The following ARHGEF33 variants were observed in gnomAD, a reference collection of about 807,000 sequenced individuals.
The protein encoded by ARHGEF33 is DH and coiled-coil domain-containing protein ENSP00000381780.
In ARHGEF33, 72 loss-of-function variants were observed where a neutral mutation model predicts 101.9. The ratio of observed to expected loss-of-function variants is 0.71; its 90% CI spans 0.58 to 0.86. The LOEUF (loss-of-function observed/expected upper bound fraction) is 0.86. ARHGEF33 is among the 40% of genes least tolerant of loss of function. The pLI is 0.00. For synonymous variants in ARHGEF33, 499 were observed against 442.5 expected, an observed-to-expected ratio of 1.13 and a Z score of -1.60; for missense variants, 1,169 against 1,111.3, an observed-to-expected ratio of 1.05 and a Z score of -0.74.
intron 2 of ARHGEF33, among the ~76,000 whole-genome samples, chr2:38,912,717 T>G (rs1289134657): frequency 2.0e-5 from 3 of 152,168 alleles, no homozygotes; most frequent in African/African-American, 7.2e-5. Context: ...TGAAACTATT[T>G]GGAGAAAGCC....
In ARHGEF33 at chr2:38,935,108, G is replaced by C. The variant is rs1487968212; in HGVS notation, c.506-667G>C. Among the ~76,000 whole-genome samples the C allele has an allele frequency of 4.0e-5, 6 of 151,884 alleles. No individual in the cohort carries two copies. The East Asian group carries it at 9.7e-4, about 24-fold the overall frequency. ...GGGGGCAGATATTCCAGGGCTGTAT[G>C]ATCATTATAAGGGCTTTGGCTTTTA... On this transcript the variant is annotated intron_variant, in intron 7 of 17. Coordinates refer to ENST00000409978, the MANE Select transcript of ARHGEF33 (RefSeq NM_001145451.5).
At chr2:38,948,911 A>C (rs1216636544) in intron 10 of ARHGEF33, among the ~76,000 whole-genome samples, 1 of 152,188 alleles carries the variant, frequency 6.6e-6, no homozygotes, top group Non-Finnish European at 1.5e-5. Context: ...TGATCTGGAC[A>C]GGGATTTCTT....
intron 16 of ARHGEF33, among the ~76,000 whole-genome samples, chr2:38,965,513 C>A (rs188633584): frequency 6.6e-6 from 1 of 152,244 alleles, no homozygotes; most frequent in African/African-American, 2.4e-5. Context: ...TGCCTTCCCT[C>A]GATTATGCTT....
chr2:38,917,180 G>A (rs1464383109), intron 2 of ARHGEF33, among the ~76,000 whole-genome samples: 2 of 141,274 alleles, frequency 1.4e-5, no homozygotes, highest in Non-Finnish European at 3.0e-5. Flanking sequence ...CAACCTCTGC[G>A]TCTCAGGTTA....
chr2:38,922,501 C>T (rs1666780959), intron 4 of ARHGEF33, among the ~76,000 whole-genome samples: 1 of 152,112 alleles, frequency 6.6e-6, no homozygotes, highest in Admixed American at 6.5e-5. Flanking sequence ...TAGGGCAAGT[C>T]AACACAGGAT....
intron 4 of ARHGEF33, among the ~76,000 whole-genome samples, chr2:38,927,527 C>G (rs1666901640): frequency 6.6e-6 from 1 of 152,210 alleles, no homozygotes; most frequent in African/African-American, 2.4e-5. Context: ...GAAACTCCGT[C>G]TCTACTAAAA....
At chr2:38,902,647 G>A (rs371857263) in intron 2 of ARHGEF33, among the ~76,000 whole-genome samples, 20 of 152,132 alleles carry the variant, frequency 1.3e-4, no homozygotes, top group African/African-American at 4.6e-4. Context: ...TGGTCCTTCC[G>A]AACTATGAGA....
rs1484598723 is a variant in ARHGEF33, at chr2:38,951,018, T to C, written c.950T>C (p.Val317Ala). Residue 317 changes from valine to alanine, a missense_variant, in exon 11 of 18, where the codon GTC (valine) becomes GCC (alanine). By Grantham distance (64) the Val-to-Ala change is moderately conservative (BLOSUM62 0). Coordinates refer to ENST00000409978, the MANE Select transcript of ARHGEF33 (RefSeq NM_001145451.5). ...TTCCCTGGCTCTTTACGGTACCTCGTCCAGCAGCACCTGGATCTGCTTCAC... is the reference window on the plus strand; with the variant it reads ...TTCCCTGGCTCTTTACGGTACCTCGCCCAGCAGCACCTGGATCTGCTTCAC... ...SLFPGSLRYL[V>A]QQHLDLLHAL... is the part of the protein sequence containing the mutation. 1 of 1,552,260 alleles carries C rather than the reference T, an allele frequency of 6.4e-7. No individual in the cohort carries two copies.
chr2:38,913,339 T>C (rs535707367), intron 2 of ARHGEF33, among the ~76,000 whole-genome samples: 3 of 152,376 alleles, frequency 2.0e-5, no homozygotes, highest in African/African-American at 7.2e-5. Flanking sequence ...AATGGTTTCA[T>C]AGCTCTGCTC....
chr2:38,959,999 T>C lies in ARHGEF33; in HGVS notation c.1694T>C (p.Val565Ala). The change falls in exon 16 of 18, where the codon GTG (valine) becomes GCG (alanine). Residue 565 changes from valine to alanine, a missense_variant. Val to Ala is a moderately conservative substitution (Grantham distance 64). Coordinates refer to ENST00000409978, the MANE Select transcript of ARHGEF33 (RefSeq NM_001145451.5). ...CAGTTCTGCGCGGCCGAGCAGGACGTGAAGGCGCTGGCCGGGCCCCTGCAG... is the reference window on the plus strand; with the variant it reads ...CAGTTCTGCGCGGCCGAGCAGGACGCGAAGGCGCTGGCCGGGCCCCTGCAG... ...PTQFCAAEQD[V>A]KALAGPLQAI... 6.5e-7 allele frequency: 1 copy of C among 1,549,936 alleles called. No individual in the cohort carries two copies. The highest frequency in any genetic ancestry group is 8.7e-7 in the Non-Finnish European group (1 of 1,146,326).
rs983356359 is a variant in ARHGEF33, at chr2:38,959,656, C to A, written c.1536-185C>A. 6.5e-5 allele frequency: 40 copies of A among 612,064 alleles called. No individual in the cohort carries two copies. In the Admixed American group the frequency reaches 7.0e-4, roughly 11 times the overall value. The allele number at this position is 612,064 out of a possible 1,614,324, so 37.9% of individuals were successfully genotyped here. ...TACCTTCGGGCCTCCGCTCGACGGA[C>A]TGCCTTGTCCACTCTCCGCCTGGGA... On this transcript the variant is annotated intron_variant, in intron 15 of 17. Coordinates refer to ENST00000409978, the MANE Select transcript of ARHGEF33 (RefSeq NM_001145451.5).
At chr2:38,919,548 C>G in intron 3 of ARHGEF33, 76 bp downstream of exon 3, 1 of 1,385,784 alleles carries the variant, frequency 7.2e-7, no homozygotes, top group Non-Finnish European at 1.0e-6. Flanking sequence ...TTACCACTGT[C>G]TCGAGACATG....
At chr2:38,923,846 T>G (rs911972087) in intron 4 of ARHGEF33, among the ~76,000 whole-genome samples, 7 of 152,178 alleles carry the variant, frequency 4.6e-5, no homozygotes, top group Admixed American at 6.6e-5. Context: ...ATAAAAAAAT[T>G]CAAACCATAA....
At chr2:38,908,492 G>C (rs1254597125) in intron 2 of ARHGEF33, among the ~76,000 whole-genome samples, 1 of 152,154 alleles carries the variant, frequency 6.6e-6, no homozygotes. Context: ...GTGACAGCAT[G>C]CTGATGTTCT....
At chr2:38,922,688 A>G (rs1378381512) in intron 4 of ARHGEF33, among the ~76,000 whole-genome samples, 6 of 152,178 alleles carry the variant, frequency 3.9e-5, no homozygotes, top group African/African-American at 1.2e-4. Flanking sequence ...ATTGATTTTT[A>G]TGTGTCCACA....
In ARHGEF33 at chr2:38,973,840, G is replaced by T; in HGVS notation, c.2610G>T (p.Val870=). The change falls in exon 18 of 18, where the codon GTG becomes GTT. Residue 870 remains valine, a synonymous_variant. Transcript: ENST00000409978. ...LANDLDQGTA[V] is the part of the protein sequence containing the mutation. ...ATGACCTTGACCAAGGAACAGCTGT[G>T]TAAAACATACTTAAAGTTGTATTGT... 1 of 1,544,370 alleles carries T rather than the reference G, an allele frequency of 6.5e-7. No individual in the cohort carries two copies. Among genetic ancestry groups the T allele is most frequent in the Non-Finnish European group, 8.7e-7 (1 of 1,144,106 alleles).
At position 38,951,016 on chromosome 2, in the gene ARHGEF33, C is replaced by G. The variant is rs990837827; in HGVS notation, c.948C>G (p.Leu316=). ...TCTTCCCTGGCTCTTTACGGTACCT[C>G]GTCCAGCAGCACCTGGATCTGCTTC... The part of the protein sequence containing the change: ...RSLFPGSLRY[L]VQQHLDLLHA... The change falls in exon 11 of 18, where the codon CTC becomes CTG. Residue 316 remains leucine, a synonymous_variant. Coordinates refer to ENST00000409978, the MANE Select transcript of ARHGEF33 (RefSeq NM_001145451.5). The G allele has an allele frequency of 1.6e-5, 25 of 1,552,216 alleles. 1 individual carries two copies. Among genetic ancestry groups the G allele is most frequent in the East Asian group, 1.2e-4 (5 of 40,922 alleles).
At chr2:38,929,567 C>A (rs534227700) in intron 5 of ARHGEF33, 142 bp from the exon 6 acceptor site, 2 of 596,476 alleles carry the variant, frequency 3.4e-6, no homozygotes, top group African/African-American at 1.9e-5. Flanking sequence ...TTTGAGGCCA[C>A]GATGGAAGTA....
At chr2:38,896,367 A>G (rs1237913164) in intron 2 of ARHGEF33, among the ~76,000 whole-genome samples, 2 of 152,184 alleles carry the variant, frequency 1.3e-5, no homozygotes, top group Non-Finnish European at 2.9e-5. Context: ...TGAACTCCTG[A>G]CTTCAAGTGA....
Sources: allele counts gnomAD v4.1 joint callset (sites outside exome capture counted in the v4.1 genomes callset), GRCh38; gene constraint gnomAD v4.1.1; transcripts MANE v1.5; gene names NCBI Gene and HGNC (gene_info 2026-07-23, HGNC 2026-07-21).